CXCL17: variants seen among roughly 807,000 people sequenced by gnomAD.
CXCL17 encodes the protein C-X-C motif chemokine 17.
A neutral mutation model predicts 15.5 loss-of-function variants in CXCL17; 9 were observed. That is an observed-to-expected ratio of 0.58 (90% CI 0.35 to 1.01). The LOEUF is 1.01. CXCL17 is among the 50% of genes least tolerant of loss of function. The pLI is 0.02. For missense variants in CXCL17, 133 were observed against 138.2 expected, an observed-to-expected ratio of 0.96 and a Z score of 0.19; for synonymous variants, 52 against 52.3, an observed-to-expected ratio of 0.99 and a Z score of 0.02.
rs539933175 is a variant in CXCL17 at position 42,436,483 on chromosome 19, GT to G, written c.80-2628del. 1.1e-3 allele frequency among the ~76,000 whole-genome samples: 165 copies of G among 145,140 alleles called. 1 individual carries two copies. Among genetic ancestry groups the G allele is most frequent in the Middle Eastern group, 3.6e-3 (1 of 280 alleles). ...TTTAATTGAATTCCTTAATTCTGAA[GT>G]TTTTTTTTTTTTCAGTCTAAATGTA... On this transcript the variant is annotated intron_variant, in intron 1 of 3. Coordinates refer to ENST00000601181, the MANE Select transcript of CXCL17 (RefSeq NM_198477.3).
chr19:42,440,765 C>G (rs546154750), intron 1 of CXCL17, among the ~76,000 whole-genome samples: 8 of 152,288 alleles, frequency 5.3e-5, no homozygotes, highest in African/African-American at 1.7e-4. Context: ...GACTTCCAAG[C>G]TGAGTGTAAA....
chr19:42,428,784 C>T lies in CXCL17; in HGVS notation c.*100G>A. ...CACTGGAATGATTTAGGGGTGGGTA[C>T]AGTGGGAGAGTGAGGTGGGAGAAGA... is the stretch of plus-strand genomic sequence containing the variant. On this transcript the variant is annotated 3_prime_UTR_variant, in exon 4 of 4. Coordinates refer to ENST00000601181, the MANE Select transcript of CXCL17 (RefSeq NM_198477.3). The T allele has an allele frequency of 1.2e-6, 1 of 863,892 alleles. No homozygotes were observed. The highest frequency in any genetic ancestry group is 2.0e-6 in the Non-Finnish European group (1 of 503,744). 53.5% of individuals were successfully genotyped at this position (863,892 alleles called of 1,614,324 possible). A position where few individuals can be genotyped will look rare whatever the true frequency, so the allele number is the denominator to read the frequency against.
intron 3 of CXCL17, among the ~76,000 whole-genome samples, chr19:42,429,507 T>C (rs983737485): frequency 6.6e-6 from 1 of 151,916 alleles, no homozygotes; most frequent in Non-Finnish European, 1.5e-5. Flanking sequence ...TTTTGTATTT[T>C]AGTAGAGATG....
chr19:42,435,560 C>T (rs913703698), intron 1 of CXCL17, among the ~76,000 whole-genome samples: 9 of 151,998 alleles, frequency 5.9e-5, no homozygotes, highest in South Asian at 4.2e-4. Context: ...GGGCTGGGCG[C>T]GGTGGCTCAT....
intron 1 of CXCL17, among the ~76,000 whole-genome samples, chr19:42,434,991 A>C (rs2040819063): frequency 1.3e-5 from 2 of 151,556 alleles, no homozygotes; most frequent in South Asian, 4.2e-4. Flanking sequence ...CATCCTGGCT[A>C]ACATGGTGAA....
chr19:42,429,062 C>A, intron 3 of CXCL17, 81 bp from the exon 4 acceptor site: 1 of 1,121,836 alleles, frequency 8.9e-7, no homozygotes, highest in Non-Finnish European at 1.3e-6. Flanking sequence ...GAGTCTTGCT[C>A]TATTGCCCAG....
chr19:42,440,465 A>G (rs2040880403), intron 1 of CXCL17, among the ~76,000 whole-genome samples: 2 of 152,164 alleles, frequency 1.3e-5, no homozygotes, highest in Non-Finnish European at 1.5e-5. Context: ...CTGGGAAACA[A>G]GATTTGAGCC....
In CXCL17 at chr19:42,433,833, G is replaced by A. The variant is rs2040807965; in HGVS notation, c.103C>T (p.Arg35Ter). The part of the protein sequence containing the change: ...NPGVARGHRD[R>*]GQASRRWLQE... ...AGCCATCTCCTAGAAGCCTGGCCTCGGTCCCTGTGGCCTCTGGCGACCCCT... is the reference window on the plus strand; with the variant it reads ...AGCCATCTCCTAGAAGCCTGGCCTCAGTCCCTGTGGCCTCTGGCGACCCCT... The change falls in exon 2 of 4, where the codon CGA (arginine) becomes TGA (stop). Residue 35 changes from arginine (R) to a stop codon, truncating the protein, a stop_gained. Transcript: ENST00000601181. LOFTEE classifies it high-confidence loss of function. 3.1e-6 allele frequency: 5 copies of A among 1,613,892 alleles called. No individual in the cohort carries two copies. The highest frequency in any genetic ancestry group is 2.2e-5 in the East Asian group (1 of 44,890).
At chr19:42,431,724 A>C (rs914311075) in intron 3 of CXCL17, among the ~76,000 whole-genome samples, 1 of 151,204 alleles carries the variant, frequency 6.6e-6, no homozygotes, top group Non-Finnish European at 1.5e-5. Flanking sequence ...TATTTATTTT[A>C]GAGACAGGAT....
chr19:42,442,229 CTTTTTT>C (rs10527944), intron 1 of CXCL17, among the ~76,000 whole-genome samples: 8 of 122,104 alleles, frequency 6.6e-5, no homozygotes, highest in Non-Finnish European at 1.4e-4. Context: ...CTTTTCTTTC[CTTTTTT>C]TTTTTTTTTT....
chr19:42,436,951 T>A (rs1056845064), intron 1 of CXCL17, among the ~76,000 whole-genome samples: 3 of 152,234 alleles, frequency 2.0e-5, no homozygotes, highest in East Asian at 1.9e-4. Context: ...TTATTTATTT[T>A]TTTTGAGACG....
intron 3 of CXCL17, among the ~76,000 whole-genome samples, chr19:42,430,868 C>T (rs2040773067): frequency 6.6e-6 from 1 of 151,972 alleles, no homozygotes; most frequent in Middle Eastern, 3.4e-3. Context: ...GATGGAGTCT[C>T]ACTCTGTTGT....
chr19:42,434,495 C>G (rs1037419522), intron 1 of CXCL17, among the ~76,000 whole-genome samples: 1 of 152,160 alleles, frequency 6.6e-6, no homozygotes, highest in African/African-American at 2.4e-5. Flanking sequence ...GTGGTGCAAT[C>G]ACGGCTCACT....
At chr19:42,441,773 T>C (rs2040894600) in intron 1 of CXCL17, among the ~76,000 whole-genome samples, 1 of 152,162 alleles carries the variant, frequency 6.6e-6, no homozygotes, top group Admixed American at 6.6e-5. Context: ...GATCAGGTCT[T>C]TTCTGCGTGG....
chr19:42,432,478 G>T (rs2040793369), intron 3 of CXCL17, among the ~76,000 whole-genome samples: 1 of 152,074 alleles, frequency 6.6e-6, no homozygotes, highest in South Asian at 2.1e-4. Flanking sequence ...CTTAAAAACT[G>T]GTAGACTAAA....
chr19:42,433,246 T>C (rs2040801146), intron 2 of CXCL17, among the ~76,000 whole-genome samples, 169 bp from the exon 3 acceptor site: 1 of 152,204 alleles, frequency 6.6e-6, no homozygotes, highest in Admixed American at 6.5e-5. Flanking sequence ...TGCCAGTATT[T>C]CTGAGTTGTT....
intron 1 of CXCL17, among the ~76,000 whole-genome samples, chr19:42,436,922 T>A (rs1048895174): frequency 3.9e-5 from 6 of 152,110 alleles, no homozygotes; most frequent in East Asian, 1.9e-4. Context: ...AATGTTTAAA[T>A]TTTTTTTCAT....
At chr19:42,440,511 C>T (rs1162575515) in intron 1 of CXCL17, among the ~76,000 whole-genome samples, 2 of 152,142 alleles carry the variant, frequency 1.3e-5, no homozygotes, top group Non-Finnish European at 2.9e-5. Context: ...TGTGATGGCG[C>T]CCCCTGGTGG....
chr19:42,437,202 G>T (rs1179565430), intron 1 of CXCL17, among the ~76,000 whole-genome samples: 1 of 152,162 alleles, frequency 6.6e-6, no homozygotes, highest in Non-Finnish European at 1.5e-5. Context: ...CTCCCAAAGC[G>T]TTGGGATTAT....
Sources: gnomAD v4.1 joint callset for allele counts (sites outside exome capture counted in the v4.1 genomes callset) on GRCh38, gnomAD v4.1.1 for gene constraint, MANE v1.5 for transcripts, NCBI Gene and HGNC (gene_info 2026-07-23, HGNC 2026-07-21) for gene names.